Variants in TSPAN4 observed in about 807,000 individuals in gnomAD.
The protein encoded by TSPAN4 is tetraspanin 4, also known as tetraspanin-4.
In TSPAN4, 38 loss-of-function variants were observed where a neutral mutation model predicts 31.5. The ratio of observed to expected loss-of-function variants is 1.21; its 90% confidence interval spans 0.93 to 1.58. The LOEUF is 1.58. Ranked by LOEUF, TSPAN4 falls within the 40% of genes most tolerant of loss-of-function variation. The pLI is 0.00. For synonymous variants in TSPAN4, 186 were observed against 144.6 expected, an observed-to-expected ratio of 1.29 and a Z score of -2.06; for missense variants, 330 against 317.3, an observed-to-expected ratio of 1.04 and a Z score of -0.30.
chr11:844,984 G>T (rs1038900743), intron 1 of TSPAN4, among the ~76,000 whole-genome samples: 1 of 152,182 alleles, frequency 6.6e-6, no homozygotes, highest in Non-Finnish European at 1.5e-5. Context: ...GCTGAGCCCT[G>T]GCTGGGATTC....
intron 2 of TSPAN4, chr11:849,854 G>A (rs1565130917): frequency 1.4e-5 from 2 of 147,444 alleles, no homozygotes; most frequent in African/African-American, 2.5e-5. Flanking sequence ...CGCGGGCCGG[G>A]CAGATGTTTG....
rs896294128 is a variant in TSPAN4, at chr11:848,913, G to A, written c.-17-1375G>A. 8 of 713,934 alleles carry A rather than the reference G, an allele frequency of 1.1e-5. No homozygotes were observed. Among genetic ancestry groups the A allele is most frequent in the Non-Finnish European group, 2.1e-5 (8 of 383,478 alleles). The allele number at this position is 713,934 out of a possible 1,614,324, so 44.2% of individuals were successfully genotyped here. A position where few individuals can be genotyped will look rare whatever the true frequency, so the allele number is the denominator to read the frequency against. On this transcript the variant is annotated intron_variant, in intron 2 of 8. Transcript: ENST00000397397. This position sits in a 1 kb window ranked among gnomAD's most constrained non-coding sequence, Gnocchi z 5.7. ...GGCGTGATGACACCCAGGAGTGCAG[G>A]CACATCTGCGCACGGGGCCGGTATG...
intron 2 of TSPAN4, chr11:850,047 G>A (rs1477587610): frequency 2.4e-5 from 7 of 295,356 alleles, no homozygotes; most frequent in Non-Finnish European, 4.4e-5. Flanking sequence ...CTCCAGCACG[G>A]ACGAGTCCAC....
At chr11:861,245 A>G (rs1025801243) in intron 3 of TSPAN4, among the ~76,000 whole-genome samples, 1 of 152,220 alleles carries the variant, frequency 6.6e-6, no homozygotes, top group African/African-American at 2.4e-5. Context: ...ACACTGCAGG[A>G]GGTGGCCCTC....
Position 865,155 on chromosome 11 carries a change from T to C in TSPAN4, c.331-358T>C, listed in dbSNP as rs372393559. On this transcript the variant is annotated intron_variant, in intron 5 of 8. Coordinates refer to ENST00000397397, the MANE Select transcript of TSPAN4 (RefSeq NM_003271.5). ...GGGTGCTCTGGGTCCTCACTGAATA[T>C]TGGGGACCGAGGCCAGGGTGCTGGG... 1.5e-4 allele frequency: 38 copies of C among 245,178 alleles called. 1 individual carries two copies. The East Asian group carries it at 2.5e-3, about 16-fold the overall frequency. The allele number at this position is 245,178 out of a possible 1,614,324, so 15.2% of individuals were successfully genotyped here.
intron 3 of TSPAN4, among the ~76,000 whole-genome samples, chr11:861,456 G>T (rs566696429): frequency 2.6e-5 from 4 of 152,046 alleles, no homozygotes; most frequent in South Asian, 2.1e-4. Flanking sequence ...CTCACGCCTG[G>T]AATCCCAGCA....
At chr11:860,279 G>A (rs528552308) in intron 3 of TSPAN4, among the ~76,000 whole-genome samples, 3 of 152,328 alleles carry the variant, frequency 2.0e-5, no homozygotes, top group South Asian at 2.1e-4. Flanking sequence ...CAGAGGGACC[G>A]AAGACACCAG....
At chr11:860,744 C>G (rs1191352478) in intron 3 of TSPAN4, among the ~76,000 whole-genome samples, 1 of 152,172 alleles carries the variant, frequency 6.6e-6, no homozygotes, top group Non-Finnish European at 1.5e-5. Context: ...ACCCCCAGAG[C>G]CTGGGGTCTG....
chr11:863,660 T>A (rs1848601125), intron 4 of TSPAN4: 1 of 152,258 alleles, frequency 6.6e-6, no homozygotes. Context: ...TTCCCATGGG[T>A]GACTTGGGAC....
Position 865,507 on chromosome 11 carries a change from C to A in TSPAN4, c.331-6C>A, listed in dbSNP as rs772995627. ...GGGGCCCTGCTGACCCCCCCCGCAC[C>A]CCCAGATTGACAGGTATGCCCAGCA... On this transcript the variant is annotated splice_polypyrimidine_tract_variant and splice_region_variant and intron_variant, in intron 5 of 8. Coordinates refer to ENST00000397397, the MANE Select transcript of TSPAN4 (RefSeq NM_003271.5). The A allele has an allele frequency of 6.2e-7, 1 of 1,609,842 alleles. No individual in the cohort carries two copies. Among genetic ancestry groups the A allele is most frequent in the Non-Finnish European group, 8.5e-7 (1 of 1,179,048 alleles).
Position 866,723 on chromosome 11 carries a change from G to A in TSPAN4, c.*93G>A, listed in dbSNP as rs1848874505. The stretch of plus-strand genomic sequence containing the variant: ...TTCCCACCACCAGCCTCGGTGCTCT[G>A]CCCCATGCTGGGAGGAGGGAGGGAG... On this transcript the variant is annotated 3_prime_UTR_variant, in exon 9 of 9. Coordinates refer to ENST00000397397, the MANE Select transcript of TSPAN4 (RefSeq NM_003271.5). 4.7e-6 allele frequency: 6 copies of A among 1,266,460 alleles called. No homozygotes were observed. The highest frequency in any genetic ancestry group is 5.4e-6 in the Non-Finnish European group (5 of 922,358). The allele number at this position is 1,266,460 out of a possible 1,614,324, so 78.5% of individuals were successfully genotyped here. A position where few individuals can be genotyped will look rare whatever the true frequency, so the allele number is the denominator to read the frequency against.
At chr11:851,817 C>T (rs1430938231) in intron 3 of TSPAN4, among the ~76,000 whole-genome samples, 1 of 151,710 alleles carries the variant, frequency 6.6e-6, no homozygotes, top group Non-Finnish European at 1.5e-5. Context: ...TGTGGGGGCC[C>T]GGCAGGCAGG....
Position 848,943 on chromosome 11 carries a change from T to C in TSPAN4, c.-17-1345T>C. 2 of 708,022 alleles carry C rather than the reference T, an allele frequency of 2.8e-6. No individual in the cohort carries two copies. The highest frequency in any genetic ancestry group is 5.3e-6 in the Non-Finnish European group (2 of 380,302). The allele number at this position is 708,022 out of a possible 1,614,324, so 43.9% of individuals were successfully genotyped here. On this transcript the variant is annotated intron_variant, in intron 2 of 8. Transcript: ENST00000397397. This position sits in a 1 kb window ranked among gnomAD's most constrained non-coding sequence, Gnocchi z 5.7. The stretch of plus-strand genomic sequence containing the variant: ...TCTGCGCACGGGGCCGGTATGTCTG[T>C]ACCTGTCAAGGGGTGGGGTGGGGTC...
chr11:844,113 G>C (rs1468129716), intron 1 of TSPAN4: 2 of 152,386 alleles, frequency 1.3e-5, no homozygotes, highest in Non-Finnish European at 2.9e-5. Context: ...CAGAAGGGCA[G>C]GACAGGGGCC....
intron 3 of TSPAN4, among the ~76,000 whole-genome samples, chr11:860,352 T>C (rs1319916959): frequency 6.6e-6 from 1 of 152,204 alleles, no homozygotes; most frequent in Non-Finnish European, 1.5e-5. Context: ...CAGGGAGCTG[T>C]GTCCCATCTC....
chr11:844,496 T>G (rs963356207), intron 1 of TSPAN4: 2 of 152,094 alleles, frequency 1.3e-5, no homozygotes, highest in African/African-American at 4.8e-5. Flanking sequence ...CCACCACATA[T>G]GTGCGGAGGC....
chr11:845,184 C>T (rs1448845585), intron 1 of TSPAN4, among the ~76,000 whole-genome samples: 2 of 152,164 alleles, frequency 1.3e-5, no homozygotes, highest in African/African-American at 2.4e-5. Context: ...GCTCTCTGGC[C>T]CTGTCCATGC....
At chr11:865,213 C>T in intron 5 of TSPAN4, 1 of 393,222 alleles carries the variant, frequency 2.5e-6, no homozygotes, top group South Asian at 3.2e-5. Flanking sequence ...TGGCTTTCAG[C>T]TCACAGAGCA....
At chr11:852,819 A>G (rs919112447) in intron 3 of TSPAN4, among the ~76,000 whole-genome samples, 1 of 149,810 alleles carries the variant, frequency 6.7e-6, no homozygotes. Context: ...CCGTCTTCTC[A>G]GGGGCGAAGT....
Sources: allele counts gnomAD v4.1 joint callset (sites outside exome capture counted in the v4.1 genomes callset), GRCh38; gene constraint gnomAD v4.1.1; non-coding constraint Gnocchi (gnomAD v3.1); transcripts MANE v1.5; gene names NCBI Gene and HGNC (gene_info 2026-07-23, HGNC 2026-07-21).